ROBO2: variants seen among roughly 807,000 people sequenced by gnomAD.
ROBO2 encodes the protein roundabout guidance receptor 2, also known as roundabout homolog 2.
Under a neutral mutation model 160.8 loss-of-function variants are expected in ROBO2, and 53 were observed. That is an observed-to-expected ratio of 0.33 (90% confidence interval 0.26 to 0.41). The LOEUF (loss-of-function observed/expected upper bound fraction) is 0.41. ROBO2 is among the 10% of genes least tolerant of loss of function. ROBO2 has a pLI of 1.00. For missense variants in ROBO2, 1,577 were observed against 1,722.4 expected (o/e 0.92, Z 1.49); for synonymous variants, 664 against 611.7 (o/e 1.09, Z -1.26).
intron 2 of ROBO2, among the ~76,000 whole-genome samples, chr3:77,455,396 A>G (rs1005383670): frequency 6.6e-6 from 1 of 152,222 alleles, no homozygotes; most frequent in African/African-American, 2.4e-5. Flanking sequence ...ATACTTAATT[A>G]GGGCAAAACA....
chr3:76,343,696 G>A (rs2074364958), intron 2 of ROBO2, among the ~76,000 whole-genome samples: 1 of 152,000 alleles, frequency 6.6e-6, no homozygotes, highest in African/African-American at 2.4e-5. Context: ...TGCAGTATTG[G>A]TGTGGTGAGA....
At chr3:76,207,889 C>T (rs1394437790) in intron 2 of ROBO2, among the ~76,000 whole-genome samples, 3 of 152,284 alleles carry the variant, frequency 2.0e-5, no homozygotes, top group East Asian at 1.9e-4. Context: ...TTATAGTCCC[C>T]AGTGTGGGAG....
intron 2 of ROBO2, among the ~76,000 whole-genome samples, chr3:76,897,773 G>T (rs2074920445): frequency 6.7e-6 from 1 of 149,822 alleles, no homozygotes. Flanking sequence ...ATATGTTACT[G>T]AGTAAATTGA....
chr3:77,487,620 G>T (rs111813180), intron 4 of ROBO2, among the ~76,000 whole-genome samples: 91 of 152,138 alleles, frequency 6.0e-4, no homozygotes, highest in Middle Eastern at 6.8e-3. Flanking sequence ...CCTCATACAT[G>T]CCCAGTTAAA....
chr3:76,968,619 T>A (rs1199107856), intron 2 of ROBO2, among the ~76,000 whole-genome samples: 1 of 152,154 alleles, frequency 6.6e-6, no homozygotes, highest in Non-Finnish European at 1.5e-5. Flanking sequence ...GTCCTACAAT[T>A]TTTTATTTCT....
chr3:76,386,787 T>C (rs1473650977), intron 2 of ROBO2, among the ~76,000 whole-genome samples: 1 of 152,128 alleles, frequency 6.6e-6, no homozygotes, highest in African/African-American at 2.4e-5. Flanking sequence ...TCAAATGCTT[T>C]GCAAGTTCCA....
chr3:76,740,036 A>G (rs914094269), intron 2 of ROBO2, among the ~76,000 whole-genome samples: 2 of 152,214 alleles, frequency 1.3e-5, no homozygotes, highest in Admixed American at 6.5e-5. Flanking sequence ...CCTATATAAC[A>G]CTGTATCCTA....
At chr3:77,514,922 A>G (rs2089838915) in intron 5 of ROBO2, among the ~76,000 whole-genome samples, 1 of 151,726 alleles carries the variant, frequency 6.6e-6, no homozygotes, top group Admixed American at 6.6e-5. Context: ...CCATGAGGGA[A>G]AGCAGAGACT....
chr3:77,404,839 G>T (rs368494770), intron 2 of ROBO2, among the ~76,000 whole-genome samples: 8 of 152,178 alleles, frequency 5.3e-5, no homozygotes, highest in African/African-American at 1.7e-4. Flanking sequence ...TCAAATAATA[G>T]CATGACAAAA....
intron 2 of ROBO2, among the ~76,000 whole-genome samples, chr3:76,725,689 G>C (rs369914561): frequency 6.6e-6 from 1 of 152,112 alleles, no homozygotes; most frequent in East Asian, 1.9e-4. Context: ...GGCCTTTGGA[G>C]CAGCCAAAGT....
At chr3:75,943,843 G>A (rs545923550) in intron 2 of ROBO2, among the ~76,000 whole-genome samples, 1 of 151,974 alleles carries the variant, frequency 6.6e-6, no homozygotes, top group African/African-American at 2.4e-5. Context: ...TGGGATTACA[G>A]GTATGCATCA....
intron 2 of ROBO2, among the ~76,000 whole-genome samples, chr3:76,359,266 T>C (rs543846870): frequency 7.9e-5 from 12 of 152,066 alleles, no homozygotes; most frequent in Admixed American, 3.3e-4. Flanking sequence ...TGTTTAAATA[T>C]TGAATGAGCC....
intron 2 of ROBO2, among the ~76,000 whole-genome samples, chr3:76,825,273 A>G (rs769990800): frequency 2.6e-5 from 4 of 152,196 alleles, no homozygotes; most frequent in African/African-American, 4.8e-5. Context: ...GAAAGGCAAT[A>G]AATGGATGAC....
chr3:76,497,172 A>G (rs917388352), intron 2 of ROBO2, among the ~76,000 whole-genome samples: 2 of 152,016 alleles, frequency 1.3e-5, no homozygotes, highest in East Asian at 1.9e-4. Context: ...GATTGGAATG[A>G]TTGATCTCTG....
At chr3:77,627,656 A>G (rs2095059009) in intron 23 of ROBO2, among the ~76,000 whole-genome samples, 1 of 152,154 alleles carries the variant, frequency 6.6e-6, no homozygotes, top group Admixed American at 6.6e-5. Context: ...TAGATTTGAC[A>G]TGTTTTTCTA....
At chr3:77,577,102 C>T (rs537061918) in intron 14 of ROBO2, among the ~76,000 whole-genome samples, 1 of 152,132 alleles carries the variant, frequency 6.6e-6, no homozygotes, top group East Asian at 1.9e-4. Flanking sequence ...CTGACTTGCT[C>T]TTTGACTTTC....
chr3:76,494,620 A>C (rs947480605), intron 2 of ROBO2, among the ~76,000 whole-genome samples: 4 of 152,082 alleles, frequency 2.6e-5, no homozygotes, highest in Admixed American at 1.3e-4. Context: ...TGTTCTCAGG[A>C]AGAAAAAGGG....
intron 2 of ROBO2, among the ~76,000 whole-genome samples, chr3:77,290,895 C>T (rs2061133887): frequency 1.3e-5 from 1 of 78,472 alleles, no homozygotes; most frequent in African/African-American, 3.3e-5. Flanking sequence ...AACGGGTAAG[C>T]TGAGGCTAGA....
At chr3:77,493,341 T>A (rs1560989692) in exon 5 of ROBO2, 1 of 1,614,008 alleles carries the variant, frequency 6.2e-7, no homozygotes, top group Non-Finnish European at 8.5e-7. Context: ...CTCAACCAAC[T>A]GTGAGGTGGA....
Sources: gnomAD v4.1 joint callset for allele counts (sites outside exome capture counted in the v4.1 genomes callset) on GRCh38, gnomAD v4.1.1 for gene constraint, MANE v1.5 for transcripts, NCBI Gene and HGNC (gene_info 2026-07-23, HGNC 2026-07-21) for gene names.